The following SESTD1 variants were observed in gnomAD, a reference collection of about 807,000 sequenced individuals.
The protein encoded by SESTD1 is SEC14 and spectrin domain containing 1.
Under a neutral mutation model 101.7 loss-of-function variants are expected in SESTD1, and 43 were observed. The observed-to-expected ratio is 0.42, with a 90% CI of 0.33 to 0.55. SESTD1 has a LOEUF of 0.55. SESTD1 is among the 20% of genes least tolerant of loss of function. SESTD1 has a pLI of 0.07. For synonymous variants in SESTD1, 283 were observed against 286.8 expected (o/e 0.99, Z 0.13); for missense variants, 647 against 815.1 (o/e 0.79, Z 2.51).
intron 17 of SESTD1, among the ~76,000 whole-genome samples, chr2:179,110,526 G>C (rs2044484465): frequency 6.6e-6 from 1 of 152,048 alleles, no homozygotes; most frequent in Non-Finnish European, 1.5e-5. Flanking sequence ...AATATTTTTA[G>C]AGCTGGAAGA....
chr2:179,131,492 T>G lies in SESTD1; in HGVS notation c.972+812A>C, dbSNP rs930966071. 3.3e-5 allele frequency among the ~76,000 whole-genome samples: 5 copies of G among 152,182 alleles called. No homozygotes were observed. The South Asian group carries it at 6.2e-4, about 19-fold the overall frequency. On this transcript the variant is annotated intron_variant, in intron 10 of 17. Coordinates refer to ENST00000428443, the MANE Select transcript of SESTD1 (RefSeq NM_178123.5). ...AGAGTTTAACATTTTGACCACCTTT[T>G]TTAAGACAACCTAAGGAGAAGGGAA...
intron 1 of SESTD1, among the ~76,000 whole-genome samples, chr2:179,262,929 A>T (rs2047503270): frequency 6.6e-6 from 1 of 152,210 alleles, no homozygotes; most frequent in South Asian, 2.1e-4. Context: ...TTCCTAGTCC[A>T]TCACTAGCTC....
At chr2:179,193,895 T>C (rs1370886188) in intron 1 of SESTD1, among the ~76,000 whole-genome samples, 1 of 152,180 alleles carries the variant, frequency 6.6e-6, no homozygotes, top group Non-Finnish European at 1.5e-5. Flanking sequence ...GTGGGACCCT[T>C]GCCCCAGTAC....
At chr2:179,242,890 G>C (rs188969041) in intron 1 of SESTD1, among the ~76,000 whole-genome samples, 2 of 152,172 alleles carry the variant, frequency 1.3e-5, no homozygotes, top group African/African-American at 4.8e-5. Context: ...CATCAGCCTT[G>C]GCAAACAATT....
intron 3 of SESTD1, among the ~76,000 whole-genome samples, chr2:179,180,543 C>G (rs141320188): frequency 6.6e-6 from 1 of 152,202 alleles, no homozygotes; most frequent in Non-Finnish European, 1.5e-5. Context: ...CTAGGGTAAA[C>G]TTAAAAACAT....
chr2:179,197,648 C>A (rs1161361776), intron 1 of SESTD1, among the ~76,000 whole-genome samples: 3 of 152,228 alleles, frequency 2.0e-5, no homozygotes, highest in African/African-American at 7.2e-5. Flanking sequence ...GAGTGGGGGC[C>A]AATATTCAAC....
intron 10 of SESTD1, among the ~76,000 whole-genome samples, chr2:179,125,702 G>A (rs1458342900): frequency 1.3e-5 from 2 of 152,152 alleles, no homozygotes; most frequent in African/African-American, 4.8e-5. Context: ...ATCCTTTTAT[G>A]TTTCTCTAGT....
Position 179,198,765 on chromosome 2 carries a change from CAG to C in SESTD1, c.-25-6901_-25-6900del, listed in dbSNP as rs1354821275. Reference sequence around the variant, plus strand: ...ATGTTCTTTGAAACCAACGAGAACACAGACACAACATACCAGAATTTCTGGGA... The same window carrying C: ...ATGTTCTTTGAAACCAACGAGAACACACACAACATACCAGAATTTCTGGGA... On this transcript the variant is annotated intron_variant, in intron 1 of 17. Transcript: ENST00000428443. Among the ~76,000 whole-genome samples the C allele has an allele frequency of 2.6e-5, 4 of 151,998 alleles. No homozygotes were observed. In the East Asian group the frequency reaches 7.7e-4, roughly 29 times the overall value.
intron 8 of SESTD1, among the ~76,000 whole-genome samples, chr2:179,144,299 A>T (rs1439659561): frequency 6.6e-6 from 1 of 151,680 alleles, no homozygotes; most frequent in Non-Finnish European, 1.5e-5. Context: ...CACAGCATTT[A>T]AAAAAAAGGT....
intron 7 of SESTD1, among the ~76,000 whole-genome samples, chr2:179,146,815 A>G (rs1311964061): frequency 6.6e-6 from 1 of 152,180 alleles, no homozygotes; most frequent in Non-Finnish European, 1.5e-5. Flanking sequence ...ATGTAACATT[A>G]AAAAATGCAT....
chr2:179,187,143 C>T (rs1559135165), intron 2 of SESTD1, among the ~76,000 whole-genome samples: 1 of 152,132 alleles, frequency 6.6e-6, no homozygotes, highest in African/African-American at 2.4e-5. Flanking sequence ...CAAAAGAACA[C>T]CTGCTACTAC....
Position 179,104,044 on chromosome 2 carries a change from A to G in SESTD1, c.*5855T>C, listed in dbSNP as rs1480523391. On this transcript the variant is annotated 3_prime_UTR_variant, in exon 18 of 18. Transcript: ENST00000428443. The stretch of plus-strand genomic sequence containing the variant: ...TAAAATTATTTTAACTTTTTAATGT[A>G]TTTGATAATTTTCATAACAAGATGT... 6.6e-6 allele frequency: 1 copy of G among 152,178 alleles called. No homozygotes were observed. The highest frequency in any genetic ancestry group is 1.5e-5 in the Non-Finnish European group (1 of 68,018). The allele number at this position is 152,178 out of a possible 1,614,324, so 9.4% of individuals were successfully genotyped here. A position where few individuals can be genotyped will look rare whatever the true frequency, so the allele number is the denominator to read the frequency against.
chr2:179,245,494 C>G (rs1176986883), intron 1 of SESTD1, among the ~76,000 whole-genome samples: 1 of 122,802 alleles, frequency 8.1e-6, no homozygotes, highest in Admixed American at 1.1e-4. Context: ...TTAGCCTGGG[C>G]GACAGAGTGA....
At chr2:179,152,062 TA>T (rs2045541541) in intron 5 of SESTD1, among the ~76,000 whole-genome samples, 1 of 151,804 alleles carries the variant, frequency 6.6e-6, no homozygotes, top group Non-Finnish European at 1.5e-5. Context: ...TACACATGCA[TA>T]AAAAACAAAA....
chr2:179,137,999 C>A (rs190535093), intron 9 of SESTD1, among the ~76,000 whole-genome samples: 2 of 152,118 alleles, frequency 1.3e-5, no homozygotes, highest in Admixed American at 6.5e-5. Context: ...TAATCATTTT[C>A]GCAAGGGATA....
At chr2:179,155,607 T>G (rs1325994253) in intron 5 of SESTD1, among the ~76,000 whole-genome samples, 2 of 151,974 alleles carry the variant, frequency 1.3e-5, no homozygotes, top group Non-Finnish European at 2.9e-5. Context: ...CAGAGTGAGA[T>G]TCTGTCTCAA....
chr2:179,123,762 G>A lies in SESTD1; in HGVS notation c.1235C>T (p.Ser412Leu), dbSNP rs1224660603. ...CVDVAPADGA[S>L]IQQTLKLLEE... ...AAGCAGTTTTAAAGTTTGCTGAATC[G>A]ATGCTCCATCAGCTGGTGCTACATC... is the stretch of plus-strand genomic sequence containing the variant. Residue 412 changes from serine to leucine, a missense_variant, in exon 12 of 18, where the codon TCG (serine) becomes TTG (leucine). Physicochemically the swap from Ser to Leu is moderately radical, Grantham distance 145. This residue lies in a region of SESTD1 where 476 missense variants were observed against 562.6 expected (regional missense o/e 0.85). Transcript: ENST00000428443. 4.3e-6 allele frequency: 7 copies of A among 1,613,372 alleles called. No individual in the cohort carries two copies. The highest frequency in any genetic ancestry group is 1.7e-5 in the Admixed American group (1 of 59,956).
chr2:179,132,608 C>T (rs1442079941), intron 9 of SESTD1, among the ~76,000 whole-genome samples, 182 bp from the exon 10 acceptor site: 4 of 152,312 alleles, frequency 2.6e-5, no homozygotes, highest in East Asian at 3.9e-4. Context: ...ACAACATTTT[C>T]AAAACTTAAA....
intron 5 of SESTD1, among the ~76,000 whole-genome samples, chr2:179,168,849 T>G (rs1168997076): frequency 2.0e-5 from 3 of 152,184 alleles, no homozygotes; most frequent in Non-Finnish European, 4.4e-5. Flanking sequence ...GTGAAATGCA[T>G]AACAATAATG....
Sources: gnomAD v4.1 joint callset for allele counts (sites outside exome capture counted in the v4.1 genomes callset) on GRCh38, gnomAD v4.1.1 for gene constraint, gnomAD v4.1.1 regional missense constraint, MANE v1.5 for transcripts, NCBI Gene and HGNC (gene_info 2026-07-23, HGNC 2026-07-21) for gene names.